The following PACRG variants were observed in gnomAD, a reference collection of about 807,000 sequenced individuals.
PACRG encodes the protein parkin coregulated gene protein.
PACRG carries 29 observed loss-of-function variants against 29.7 expected under a neutral mutation model. That is an observed-to-expected ratio of 0.98 (90% confidence interval 0.73 to 1.33). The LOEUF (loss-of-function observed/expected upper bound fraction) is 1.33. Among genes scored for constraint, PACRG ranks in the 40% most tolerant of loss-of-function variants. PACRG has a pLI of 0.00. For missense variants in PACRG, 279 were observed against 316.2 expected (o/e 0.88, Z 0.89); for synonymous variants, 116 against 118.7 (o/e 0.98, Z 0.15).
At chr6:162,809,919 G>A (rs1786690218) in intron 1 of PACRG, among the ~76,000 whole-genome samples, 1 of 152,162 alleles carries the variant, frequency 6.6e-6, no homozygotes, top group African/African-American at 2.4e-5. Context: ...AGTGCCAGTG[G>A]AGACCTCACG....
In PACRG at chr6:162,947,349, A is replaced by ATAT. The variant is rs1491156729; in HGVS notation, c.292-114801_292-114800insTAT. On this transcript the variant is annotated intron_variant, in intron 2 of 4. Coordinates refer to ENST00000366888, the MANE Select transcript of PACRG (RefSeq NM_001080379.2). ...ACATATAATCATATATATAATGATT[A>ATAT]CATATATATAATGTAATCATATATA... Among the ~76,000 whole-genome samples the ATAT allele has an allele frequency of 6.2e-4, 26 of 41,758 alleles. No homozygotes were observed. The East Asian group carries it at 7.1e-3, about 11-fold the overall frequency. 27.4% of individuals were successfully genotyped at this position (41,758 alleles called of 152,430 possible).
At chr6:163,172,763 T>G (rs2128348133) in intron 4 of PACRG, among the ~76,000 whole-genome samples, 1 of 152,362 alleles carries the variant, frequency 6.6e-6, no homozygotes, top group Non-Finnish European at 1.5e-5. Flanking sequence ...AAACAGAGAC[T>G]GGTGTGCCAA....
At chr6:162,924,170 T>C (rs1376369418) in intron 2 of PACRG, among the ~76,000 whole-genome samples, 1 of 152,114 alleles carries the variant, frequency 6.6e-6, no homozygotes, top group Non-Finnish European at 1.5e-5. Flanking sequence ...GATTACTTTC[T>C]TGGTTTCTTT....
rs1432654488 is a variant in PACRG, at chr6:163,263,031, A to G, written c.614-51796A>G. Reference sequence around the variant, plus strand: ...ACACCACTGCACTACAGCCTGGGCAACCGAACAAGACTCTCCCTCAAAAAT... The same window carrying G: ...ACACCACTGCACTACAGCCTGGGCAGCCGAACAAGACTCTCCCTCAAAAAT... On this transcript the variant is annotated intron_variant, in intron 4 of 4. Transcript: ENST00000366888. 3.3e-5 allele frequency among the ~76,000 whole-genome samples: 5 copies of G among 151,036 alleles called. No individual in the cohort carries two copies. The East Asian group carries it at 7.8e-4, about 23-fold the overall frequency.
chr6:163,116,104 G>T (rs1241534994), intron 4 of PACRG, among the ~76,000 whole-genome samples: 2 of 152,186 alleles, frequency 1.3e-5, no homozygotes, highest in Admixed American at 6.5e-5. Flanking sequence ...CTGAGACTGT[G>T]TAATTTATAA....
At chr6:163,087,799 G>A (rs1430701495) in intron 3 of PACRG, among the ~76,000 whole-genome samples, 3 of 151,172 alleles carry the variant, frequency 2.0e-5, no homozygotes, top group African/African-American at 7.3e-5. Flanking sequence ...GAGAGGAGGT[G>A]AAGATGGAGA....
At chr6:162,744,299 A>G (rs1441232649) in intron 1 of PACRG, among the ~76,000 whole-genome samples, 1 of 152,188 alleles carries the variant, frequency 6.6e-6, no homozygotes, top group Admixed American at 6.5e-5. Flanking sequence ...AGACATCTAT[A>G]TAAAGATATT....
Position 163,055,332 on chromosome 6 carries a change from ACACACACATG to A in PACRG, c.292-6809_292-6800del, listed in dbSNP as rs1176133518. Reference sequence around the variant, plus strand: ...CACATGCACACATATCCAGGTGTGCACACACACATGCACACACACACGCACACACACGCAC... The same window carrying A: ...CACATGCACACATATCCAGGTGTGCACACACACACACGCACACACACGCAC... On this transcript the variant is annotated intron_variant, in intron 2 of 4. Coordinates refer to ENST00000366888, the MANE Select transcript of PACRG (RefSeq NM_001080379.2). This position sits in a 1 kb window ranked among gnomAD's most constrained non-coding sequence, Gnocchi z 4.0. Among the ~76,000 whole-genome samples, 1 of 107,886 alleles carries A rather than the reference ACACACACATG, an allele frequency of 9.3e-6. No individual in the cohort carries two copies. Among genetic ancestry groups the A allele is most frequent in the East Asian group, 3.7e-4 (1 of 2,734 alleles). The allele number at this position is 107,886 out of a possible 152,430, so 70.8% of individuals were successfully genotyped here.
intron 4 of PACRG, among the ~76,000 whole-genome samples, chr6:163,108,046 G>A (rs1815482834): frequency 6.6e-6 from 1 of 152,214 alleles, no homozygotes; most frequent in African/African-American, 2.4e-5. Context: ...AAGGGAGGTG[G>A]TTTGAGGCTG....
At position 162,853,675 on chromosome 6, in the gene PACRG, GA is replaced by G. The variant is rs1791119010; in HGVS notation, c.291+39395del. Among the ~76,000 whole-genome samples, 1 of 152,194 alleles carries G rather than the reference GA, an allele frequency of 6.6e-6. No individual in the cohort carries two copies. The highest frequency in any genetic ancestry group is 1.5e-5 in the Non-Finnish European group (1 of 68,028). ...CACACACTGAACTTAGCATCTGGGG[GA>G]TGTAACAGTATGTACAACAAACGCC... On this transcript the variant is annotated intron_variant, in intron 2 of 4. Transcript: ENST00000366888. The surrounding 1 kb of genome is among the most constrained non-coding windows in gnomAD (Gnocchi z 4.7).
chr6:163,004,701 AGTGT>A (rs374627693), intron 2 of PACRG, among the ~76,000 whole-genome samples: 6,003 of 131,448 alleles, frequency 0.046, 144 homozygotes, highest in Non-Finnish European at 0.049. Context: ...ACAAAGTTCT[AGTGT>A]GTGTGTGTGT....
At chr6:162,889,228 C>T (rs996453084) in intron 2 of PACRG, among the ~76,000 whole-genome samples, 1 of 151,840 alleles carries the variant, frequency 6.6e-6, no homozygotes, top group Non-Finnish European at 1.5e-5. Flanking sequence ...AATATACTTT[C>T]TATATTAAGT....
intron 4 of PACRG, among the ~76,000 whole-genome samples, chr6:163,307,779 A>C (rs910814204): frequency 6.6e-6 from 1 of 152,184 alleles, no homozygotes; most frequent in African/African-American, 2.4e-5. Context: ...AGGATTCTAA[A>C]AGCAGATAAC....
chr6:163,179,202 G>A lies in PACRG; in HGVS notation c.613+89794G>A, dbSNP rs756803990. On this transcript the variant is annotated intron_variant, in intron 4 of 4. Coordinates refer to ENST00000366888, the MANE Select transcript of PACRG (RefSeq NM_001080379.2). ...GATGTCCGCTGCTCCTCACATGTGC[G>A]TCTTATCTTGGAGGCTGGGCTCCTC... is the stretch of plus-strand genomic sequence containing the variant. 41 of 455,900 alleles carry A rather than the reference G, an allele frequency of 9.0e-5. No homozygotes were observed. The East Asian group carries it at 1.3e-3, about 15-fold the overall frequency. 28.2% of individuals were successfully genotyped at this position (455,900 alleles called of 1,614,324 possible).
At position 163,143,926 on chromosome 6, in the gene PACRG, G is replaced by A. The variant is rs140941053; in HGVS notation, c.613+54518G>A. Among the ~76,000 whole-genome samples the A allele has an allele frequency of 7.4e-4, 112 of 152,212 alleles. 1 individual carries two copies. Among genetic ancestry groups the A allele is most frequent in the South Asian group, 2.1e-3 (10 of 4,826 alleles). On this transcript the variant is annotated intron_variant, in intron 4 of 4. Coordinates refer to ENST00000366888, the MANE Select transcript of PACRG (RefSeq NM_001080379.2). ...CCAACTGGATATTTTTCATAATTGC[G>A]TAATCTTTTCTGAAAAGTAGTTTTC...
chr6:163,099,450 G>A (rs538187273), intron 4 of PACRG, among the ~76,000 whole-genome samples: 1 of 152,332 alleles, frequency 6.6e-6, no homozygotes, highest in South Asian at 2.1e-4. Context: ...GCAACAGAAA[G>A]TTTTACTTAA....
At chr6:163,105,454 A>T (rs1815330164) in intron 4 of PACRG, among the ~76,000 whole-genome samples, 1 of 152,208 alleles carries the variant, frequency 6.6e-6, no homozygotes, top group Non-Finnish European at 1.5e-5. Context: ...AGTTAATATT[A>T]TCAGCACTTA....
chr6:163,108,364 G>A lies in PACRG; in HGVS notation c.613+18956G>A, dbSNP rs181793828. Among the ~76,000 whole-genome samples, 356 of 148,840 alleles carry A rather than the reference G, an allele frequency of 2.4e-3. 1 individual carries two copies. Among genetic ancestry groups the A allele is most frequent in the South Asian group, 0.011 (50 of 4,652 alleles). On this transcript the variant is annotated intron_variant, in intron 4 of 4. Transcript: ENST00000366888. ...TGCTTCCTGCACAGCCTGCAGAACC[G>A]TGAGCCAATTATACCTCTTCTCTTT...
At chr6:162,810,929 A>T (rs1786808417) in intron 1 of PACRG, among the ~76,000 whole-genome samples, 2 of 152,228 alleles carry the variant, frequency 1.3e-5, no homozygotes, top group African/African-American at 4.8e-5. Context: ...GAACCTACAG[A>T]TTCACAAAGT....
Sources: allele counts gnomAD v4.1 joint callset (sites outside exome capture counted in the v4.1 genomes callset), GRCh38; gene constraint gnomAD v4.1.1; non-coding constraint Gnocchi (gnomAD v3.1); transcripts MANE v1.5; gene names NCBI Gene and HGNC (gene_info 2026-07-23, HGNC 2026-07-21).